FGD3: variants seen among roughly 807,000 people sequenced by gnomAD.
The protein encoded by FGD3 is FYVE, RhoGEF and PH domain-containing protein 3.
FGD3 carries 45 observed loss-of-function variants against 71.8 expected under a neutral mutation model. That is an observed-to-expected ratio of 0.63 (90% CI 0.49 to 0.80). The LOEUF (loss-of-function observed/expected upper bound fraction) is 0.80, where lower values mean the gene tolerates loss of function less well. Among genes scored for constraint, FGD3 ranks in the 30% least tolerant of loss-of-function variants. The pLI, the probability that FGD3 is intolerant of heterozygous loss-of-function variation, is 0.00. For missense variants in FGD3, 844 were observed against 951.5 expected, an observed-to-expected ratio of 0.89 and a Z score of 1.49; for synonymous variants, 378 against 392.8, an observed-to-expected ratio of 0.96 and a Z score of 0.44.
chr9:92,992,979 G>C (rs540361220), intron 3 of FGD3, among the ~76,000 whole-genome samples: 4 of 152,272 alleles, frequency 2.6e-5, no homozygotes, highest in African/African-American at 9.6e-5. Flanking sequence ...ACTAGAGGCT[G>C]GGTGCCTCCA....
In FGD3 at chr9:92,976,215, C is replaced by T. The variant is rs1233917994; in HGVS notation, c.-42C>T. 2 of 1,472,698 alleles carry T rather than the reference C, an allele frequency of 1.4e-6. No individual in the cohort carries two copies. The highest frequency in any genetic ancestry group is 1.8e-6 in the Non-Finnish European group (2 of 1,105,292). 91.2% of individuals were successfully genotyped at this position (1,472,698 alleles called of 1,614,324 possible). On this transcript the variant is annotated 5_prime_UTR_variant, in exon 3 of 18. Transcript: ENST00000375482. ...CTTGTTTCTCCCCTACAGGAAGCCCCTGGCCAGCCTCCACCTGAGCCCAGT... is the reference window on the plus strand; with the variant it reads ...CTTGTTTCTCCCCTACAGGAAGCCCTTGGCCAGCCTCCACCTGAGCCCAGT...
At chr9:92,997,792 T>C (rs1321597922) in intron 3 of FGD3, among the ~76,000 whole-genome samples, 1 of 152,210 alleles carries the variant, frequency 6.6e-6, no homozygotes, top group Non-Finnish European at 1.5e-5. Flanking sequence ...TGTTGAATAT[T>C]GGCCCCCACT....
At position 92,969,935 on chromosome 9, in the gene FGD3, G is replaced by A. The variant is rs1230694904; in HGVS notation, c.-217-5303G>A. Among the ~76,000 whole-genome samples the A allele has an allele frequency of 6.6e-6, 1 of 152,218 alleles. No individual in the cohort carries two copies. Among genetic ancestry groups the A allele is most frequent in the Non-Finnish European group, 1.5e-5 (1 of 68,032 alleles). Reference sequence around the variant, plus strand: ...TTTGTGGATTTCCTCGTGCTACAAGGTGGCAGCCCTGAGTGTCTGGGACCT... The same window carrying A: ...TTTGTGGATTTCCTCGTGCTACAAGATGGCAGCCCTGAGTGTCTGGGACCT... On this transcript the variant is annotated intron_variant, in intron 1 of 17. Transcript: ENST00000375482. This position sits in a 1 kb window ranked among gnomAD's most constrained non-coding sequence, Gnocchi z 4.5.
intron 14 of FGD3, among the ~76,000 whole-genome samples, chr9:93,028,238 C>CACA (rs1862209203): frequency 7.4e-6 from 1 of 135,074 alleles, no homozygotes; most frequent in African/African-American, 2.9e-5. Context: ...ACACACACAC[C>CACA]CCAATTTTCT....
At position 92,976,576 on chromosome 9, in the gene FGD3, C is replaced by T. The variant is rs776061609; in HGVS notation, c.320C>T (p.Ala107Val). 4.3e-6 allele frequency: 7 copies of T among 1,612,460 alleles called. No homozygotes were observed. The highest frequency in any genetic ancestry group is 1.6e-4 in the Middle Eastern group (1 of 6,080). Residue 107 changes from alanine to valine, a missense_variant, in exon 3 of 18, where the codon GCG (alanine) becomes GTG (valine). Transcript: ENST00000375482. The part of the protein sequence containing the change: ...EAGPSPTVLG[A>V]HAEMALDSQV... ...GGCCCAAGCCCCACTGTACTGGGGG[C>T]GCACGCAGAGATGGCCCTGGACAGC... is the stretch of plus-strand genomic sequence containing the variant.
At chr9:93,011,413 C>T in intron 8 of FGD3, 141 bp downstream of exon 8, 1 of 979,858 alleles carries the variant, frequency 1.0e-6, no homozygotes, top group Admixed American at 2.1e-5. Flanking sequence ...CACCCCCATC[C>T]CCAGGGGGGT....
Position 93,020,376 on chromosome 9 carries a change from T to A in FGD3, c.1446T>A (p.Gly482=). The A allele has an allele frequency of 6.2e-7, 1 of 1,613,248 alleles. No homozygotes were observed. The highest frequency in any genetic ancestry group is 1.1e-5 in the South Asian group (1 of 91,020). The change falls in exon 13 of 18, where the codon GGT becomes GGA. Residue 482 remains glycine (G), a synonymous_variant. Coordinates refer to ENST00000375482, the MANE Select transcript of FGD3 (RefSeq NM_001083536.2). The part of the protein sequence containing the change: ...KQNSETFKAF[G]GAFSQDEDPS... Reference sequence around the variant, plus strand: ...ACAGCGAAACCTTCAAGGCTTTTGGTGGCGCCTTCAGCCAGGATGAGGACC... The same window carrying A: ...ACAGCGAAACCTTCAAGGCTTTTGGAGGCGCCTTCAGCCAGGATGAGGACC...
chr9:93,032,751 G>A lies in FGD3; in HGVS notation c.1681-18G>A, dbSNP rs773729841. ...CTGTCCCAGGGTGCTGGGGTCACAC[G>A]TGCCCTCTGTTTGGCAGGTCATCTG... On this transcript the variant is annotated intron_variant, in intron 15 of 17. Transcript: ENST00000375482. 3.1e-6 allele frequency: 5 copies of A among 1,612,934 alleles called. No homozygotes were observed. The highest frequency in any genetic ancestry group is 2.2e-5 in the East Asian group (1 of 44,862).
intron 3 of FGD3, among the ~76,000 whole-genome samples, chr9:92,994,229 T>G (rs970140671): frequency 1.3e-5 from 2 of 152,244 alleles, no homozygotes; most frequent in Admixed American, 1.3e-4. Flanking sequence ...ATGATGAGCA[T>G]TTTTTCATGT....
chr9:93,032,647 C>G, intron 15 of FGD3, 122 bp from the exon 16 acceptor site: 1 of 907,634 alleles, frequency 1.1e-6, no homozygotes, highest in Non-Finnish European at 1.8e-6. Flanking sequence ...TCGCCACACG[C>G]CACACTGTGT....
chr9:93,033,111 G>A (rs1253580670), intron 16 of FGD3: 21 of 584,902 alleles, frequency 3.6e-5, no homozygotes, highest in South Asian at 3.2e-4. Flanking sequence ...TTGCATCCAG[G>A]AGTTAGATGG....
At chr9:92,982,791 A>T (rs961606917) in intron 3 of FGD3, among the ~76,000 whole-genome samples, 11 of 152,192 alleles carry the variant, frequency 7.2e-5, no homozygotes, top group East Asian at 3.8e-4. Flanking sequence ...GCTGACTATA[A>T]AAACCACCTT....
chr9:92,960,266 C>T (rs1453699898), intron 1 of FGD3, among the ~76,000 whole-genome samples: 1 of 151,496 alleles, frequency 6.6e-6, no homozygotes, highest in Non-Finnish European at 1.5e-5. Context: ...CCTCTACGTC[C>T]TGTTGTCATG....
chr9:92,961,754 C>G (rs1048686295), intron 1 of FGD3, among the ~76,000 whole-genome samples: 2 of 152,184 alleles, frequency 1.3e-5, no homozygotes, highest in Admixed American at 1.3e-4. Context: ...TTCAAGGTGA[C>G]TCATTCACAC....
At position 92,969,790 on chromosome 9, in the gene FGD3, T is replaced by C. The variant is rs1428688012; in HGVS notation, c.-217-5448T>C. Among the ~76,000 whole-genome samples, 1 of 152,102 alleles carries C rather than the reference T, an allele frequency of 6.6e-6. No individual in the cohort carries two copies. The highest frequency in any genetic ancestry group is 1.5e-5 in the Non-Finnish European group (1 of 68,014). Reference sequence around the variant, plus strand: ...GCCTATCTGGGGGACCGCTGCACTGTGGAGGGACACGGGGCGGGGGCCAGA... The same window carrying C: ...GCCTATCTGGGGGACCGCTGCACTGCGGAGGGACACGGGGCGGGGGCCAGA... On this transcript the variant is annotated intron_variant, in intron 1 of 17. Transcript: ENST00000375482. The surrounding 1 kb of genome is among the most constrained non-coding windows in gnomAD (Gnocchi z 4.5).
chr9:93,002,422 A>C (rs1860888596), intron 3 of FGD3, among the ~76,000 whole-genome samples: 1 of 152,196 alleles, frequency 6.6e-6, no homozygotes, highest in South Asian at 2.1e-4. Context: ...CATCTCTACA[A>C]AACGAAAATA....
intron 15 of FGD3, chr9:93,032,536 T>TG: frequency 1.8e-6 from 1 of 540,730 alleles, no homozygotes; most frequent in Non-Finnish European, 3.3e-6. Flanking sequence ...TCCTGGACTC[T>TG]GGACCCTCCA....
chr9:93,013,515 G>A (rs1349081886), intron 8 of FGD3, among the ~76,000 whole-genome samples: 3 of 152,190 alleles, frequency 2.0e-5, no homozygotes, highest in African/African-American at 4.8e-5. Flanking sequence ...TCAACTGACC[G>A]CTCTGTGCCT....
At chr9:92,964,721 C>T (rs72741043) in intron 1 of FGD3, among the ~76,000 whole-genome samples, 6,078 of 152,224 alleles carry the variant, frequency 0.04, 155 homozygotes, top group Middle Eastern at 0.075. Flanking sequence ...GGCCTGGGTC[C>T]GAGGCTGACC....
Sources: gnomAD v4.1 joint callset for allele counts (sites outside exome capture counted in the v4.1 genomes callset) on GRCh38, gnomAD v4.1.1 for gene constraint, Gnocchi (gnomAD v3.1) non-coding constraint, MANE v1.5 for transcripts, NCBI Gene and HGNC (gene_info 2026-07-23, HGNC 2026-07-21) for gene names.